DISP1: variants seen among roughly 807,000 people sequenced by gnomAD.
DISP1 encodes the protein dispatched RND transporter family member 1, also known as protein dispatched homolog 1.
Under a neutral mutation model 37.3 loss-of-function variants are expected in DISP1, and 30 were observed. The ratio of observed to expected loss-of-function variants is 0.80; its 90% confidence interval spans 0.60 to 1.09. The LOEUF (loss-of-function observed/expected upper bound fraction) is 1.09, where lower values mean the gene tolerates loss of function less well. Among genes scored for constraint, DISP1 ranks in the 50% least tolerant of loss-of-function variants. The pLI is 0.00. For synonymous variants in DISP1, 634 were observed against 690.2 expected (o/e 0.92, Z 1.28); for missense variants, 1,598 against 1,879.5 (o/e 0.85, Z 2.77).
chr1:222,897,724 C>T (rs901343559), intron 1 of DISP1, among the ~76,000 whole-genome samples: 11 of 152,120 alleles, frequency 7.2e-5, no homozygotes, highest in African/African-American at 2.4e-4. Context: ...CTTACTCCCT[C>T]AAGGAAACAT....
intron 3 of DISP1, among the ~76,000 whole-genome samples, chr1:222,972,683 G>A (rs1213936247): frequency 6.6e-6 from 1 of 152,030 alleles, no homozygotes; most frequent in African/African-American, 2.4e-5. Context: ...TGTTTCTTAG[G>A]TCAAGTTTCA....
intron 1 of DISP1, among the ~76,000 whole-genome samples, chr1:222,883,168 A>T (rs1282330400): frequency 6.6e-6 from 1 of 152,190 alleles, no homozygotes; most frequent in Non-Finnish European, 1.5e-5. Context: ...CAATTTAAGT[A>T]TCATAAAAGT....
intron 3 of DISP1, among the ~76,000 whole-genome samples, chr1:222,966,706 C>G (rs1322472582): frequency 6.6e-6 from 1 of 152,068 alleles, no homozygotes; most frequent in Non-Finnish European, 1.5e-5. Flanking sequence ...CTTTGAGGTG[C>G]TGGGAAAAGT....
chr1:222,988,197 A>G (rs919089912), intron 4 of DISP1, among the ~76,000 whole-genome samples: 1 of 152,206 alleles, frequency 6.6e-6, no homozygotes, highest in Non-Finnish European at 1.5e-5. Context: ...CTAGTGAATA[A>G]TGTTCAAACT....
intron 8 of DISP1, among the ~76,000 whole-genome samples, chr1:222,998,618 C>T (rs1679235053): frequency 6.6e-6 from 1 of 152,128 alleles, no homozygotes; most frequent in Non-Finnish European, 1.5e-5. Context: ...TCTTCATTGC[C>T]TCTTTCTGCC....
chr1:222,974,538 T>C (rs919830352), intron 3 of DISP1, among the ~76,000 whole-genome samples: 6 of 152,254 alleles, frequency 3.9e-5, no homozygotes, highest in African/African-American at 1.2e-4. Context: ...CTTTCTCTCA[T>C]GCTTCCTAGT....
At chr1:222,994,613 A>G (rs762764885) in intron 7 of DISP1, among the ~76,000 whole-genome samples, 1 of 152,160 alleles carries the variant, frequency 6.6e-6, no homozygotes, top group East Asian at 1.9e-4. Flanking sequence ...TTTTCTTCCT[A>G]TAGTCTGACC....
At chr1:222,904,952 C>T (rs978252464) in intron 1 of DISP1, among the ~76,000 whole-genome samples, 3 of 152,102 alleles carry the variant, frequency 2.0e-5, no homozygotes, top group East Asian at 1.9e-4. Flanking sequence ...ACCAGAAAGA[C>T]ATAAAAACTA....
intron 1 of DISP1, among the ~76,000 whole-genome samples, chr1:222,921,156 A>G (rs1672788152): frequency 6.6e-6 from 1 of 152,124 alleles, no homozygotes; most frequent in Admixed American, 6.5e-5. Flanking sequence ...TACTAAAAAT[A>G]CAAAAATTAG....
At chr1:222,989,156 A>G (rs374481289) in intron 4 of DISP1, among the ~76,000 whole-genome samples, 5 of 152,254 alleles carry the variant, frequency 3.3e-5, no homozygotes, top group African/African-American at 1.2e-4. Flanking sequence ...TTTTTTTCAG[A>G]CTGACATTTA....
chr1:222,842,292 G>A (rs1031311571), intron 1 of DISP1, among the ~76,000 whole-genome samples: 2 of 144,582 alleles, frequency 1.4e-5, no homozygotes, highest in African/African-American at 2.6e-5. Flanking sequence ...GGAGGCATCT[G>A]TTAAATAAAA....
At chr1:222,984,144 G>A (rs1000341722) in intron 4 of DISP1, among the ~76,000 whole-genome samples, 4 of 151,758 alleles carry the variant, frequency 2.6e-5, no homozygotes, top group Non-Finnish European at 4.4e-5. Flanking sequence ...AGTGGCTCAC[G>A]CCTATAATCC....
intron 1 of DISP1, among the ~76,000 whole-genome samples, chr1:222,900,469 A>G (rs1671518097): frequency 6.6e-6 from 1 of 152,180 alleles, no homozygotes; most frequent in South Asian, 2.1e-4. Flanking sequence ...ACATTATTGC[A>G]TACTTAATTT....
intron 1 of DISP1, among the ~76,000 whole-genome samples, chr1:222,838,857 C>T (rs1667414066): frequency 6.6e-6 from 1 of 152,158 alleles, no homozygotes. Flanking sequence ...GTTATAATTT[C>T]ATCTCTCTCC....
At chr1:222,863,990 G>T (rs1572370436) in intron 1 of DISP1, among the ~76,000 whole-genome samples, 1 of 152,268 alleles carries the variant, frequency 6.6e-6, no homozygotes, top group East Asian at 1.9e-4. Flanking sequence ...TTAAAACCAA[G>T]ATTTAAGTGC....
rs111235926 is a variant in DISP1, at chr1:222,934,723, G to T, written c.-18+6153G>T. 3.0e-3 allele frequency among the ~76,000 whole-genome samples: 459 copies of T among 152,178 alleles called. 5 individuals are homozygous for T. Among genetic ancestry groups the T allele is most frequent in the Middle Eastern group, 6.8e-3 (2 of 294 alleles). On this transcript the variant is annotated intron_variant, in intron 2 of 8. Coordinates refer to ENST00000675850, the MANE Select transcript of DISP1 (RefSeq NM_001377229.1). ...TTATATACCCATCTTTTAATACCTAGTGCCACTTGAGAGGGAAACAAATGT... is the reference window on the plus strand; with the variant it reads ...TTATATACCCATCTTTTAATACCTATTGCCACTTGAGAGGGAAACAAATGT...
chr1:222,987,435 G>GTGT (rs1210469401), intron 4 of DISP1, among the ~76,000 whole-genome samples: 1 of 152,228 alleles, frequency 6.6e-6, no homozygotes, highest in Non-Finnish European at 1.5e-5. Flanking sequence ...AACATCGGCT[G>GTGT]TGTAAGGAAG....
At chr1:222,861,274 T>C (rs907971230) in intron 1 of DISP1, among the ~76,000 whole-genome samples, 1 of 152,240 alleles carries the variant, frequency 6.6e-6, no homozygotes, top group Non-Finnish European at 1.5e-5. Context: ...TTCTGTGAGA[T>C]TTTTAAGTCA....
chr1:222,844,621 C>G (rs1667794122), intron 1 of DISP1, among the ~76,000 whole-genome samples: 1 of 151,996 alleles, frequency 6.6e-6, no homozygotes, highest in African/African-American at 2.4e-5. Context: ...TGTAAATTTG[C>G]AGGAAAGGTA....
Sources: gnomAD v4.1 joint callset for allele counts (sites outside exome capture counted in the v4.1 genomes callset) on GRCh38, gnomAD v4.1.1 for gene constraint, MANE v1.5 for transcripts, NCBI Gene and HGNC (gene_info 2026-07-23, HGNC 2026-07-21) for gene names.